The following KCNMB2 variants were observed in gnomAD, a reference collection of about 807,000 sequenced individuals.
The protein encoded by KCNMB2 is calcium-activated potassium channel subunit beta-2.
KCNMB2 carries 9 observed loss-of-function variants against 24.5 expected under a neutral mutation model. The ratio of observed to expected loss-of-function variants is 0.37; its 90% CI spans 0.22 to 0.64. The LOEUF (loss-of-function observed/expected upper bound fraction) is 0.64. KCNMB2 is among the 30% of genes least tolerant of loss of function. KCNMB2 has a pLI of 0.63. For synonymous variants in KCNMB2, 109 were observed against 104.4 expected, an observed-to-expected ratio of 1.04 and a Z score of -0.27; for missense variants, 226 against 284.3, an observed-to-expected ratio of 0.79 and a Z score of 1.47.
At position 178,588,802 on chromosome 3, in the gene KCNMB2, T is replaced by C. The variant is rs540421567; in HGVS notation, c.-68+52091T>C. ...CACCACTTACAAAACCTTGGGCAAT[T>C]ACCACAGTACTCTAAGCCTCAGGCT... On this transcript the variant is annotated intron_variant, in intron 1 of 4. Transcript: ENST00000452583. Among the ~76,000 whole-genome samples the C allele has an allele frequency of 4.6e-5, 7 of 152,198 alleles. No homozygotes were observed. In the South Asian group the frequency reaches 1.5e-3, roughly 32 times the overall value.
At chr3:178,570,515 CTTT>C (rs200106452) in intron 1 of KCNMB2, among the ~76,000 whole-genome samples, 2,904 of 113,924 alleles carry the variant, frequency 0.025, 15 homozygotes, top group Middle Eastern at 0.044. Flanking sequence ...GTAATGATAC[CTTT>C]TTTTTTTTTT....
chr3:178,651,470 A>G (rs1056488534), intron 1 of KCNMB2, among the ~76,000 whole-genome samples: 4 of 152,242 alleles, frequency 2.6e-5, no homozygotes, highest in African/African-American at 9.6e-5. Context: ...GGAAGAATCA[A>G]TATAGTTAAA....
chr3:178,643,217 C>G (rs889117842), intron 1 of KCNMB2, among the ~76,000 whole-genome samples: 2 of 152,010 alleles, frequency 1.3e-5, no homozygotes, highest in African/African-American at 4.8e-5. Flanking sequence ...AATTATGGAG[C>G]TGGAGAATGG....
chr3:178,614,277 A>ATGTATGTATGTATG (rs1254264851), intron 1 of KCNMB2, among the ~76,000 whole-genome samples: 1 of 101,334 alleles, frequency 9.9e-6, no homozygotes. Flanking sequence ...ATATATATAT[A>ATGTATGTATGTATG]TATATATATA....
At chr3:178,729,580 G>C (rs1723076515) in intron 1 of KCNMB2, among the ~76,000 whole-genome samples, 1 of 152,050 alleles carries the variant, frequency 6.6e-6, no homozygotes, top group Non-Finnish European at 1.5e-5. Context: ...CTGGTGCTGG[G>C]GCGAAGTCAG....
chr3:178,602,208 C>T (rs996665844), intron 1 of KCNMB2, among the ~76,000 whole-genome samples: 1 of 127,436 alleles, frequency 7.8e-6, no homozygotes, highest in South Asian at 2.5e-4. Context: ...AACTATCTCG[C>T]CAATCTAGGG....
chr3:178,694,912 C>T (rs1463612554), intron 1 of KCNMB2, among the ~76,000 whole-genome samples: 1 of 152,196 alleles, frequency 6.6e-6, no homozygotes, highest in African/African-American at 2.4e-5. Context: ...CTCACAGCTC[C>T]ACCAGGCAGT....
intron 1 of KCNMB2, among the ~76,000 whole-genome samples, chr3:178,610,024 G>A (rs916389321): frequency 2.0e-5 from 3 of 152,168 alleles, no homozygotes; most frequent in African/African-American, 4.8e-5. Context: ...ACCATTTATT[G>A]AAGAGACTAT....
chr3:178,651,418 G>A (rs1309956449), intron 1 of KCNMB2, among the ~76,000 whole-genome samples: 1 of 152,138 alleles, frequency 6.6e-6, no homozygotes, highest in African/African-American at 2.4e-5. Context: ...GGAAATAAGA[G>A]AGGACACAAA....
chr3:178,627,014 T>C (rs1384215886), intron 1 of KCNMB2, among the ~76,000 whole-genome samples: 1 of 151,630 alleles, frequency 6.6e-6, no homozygotes, highest in Non-Finnish European at 1.5e-5. Context: ...GGTTATAAAA[T>C]TAATTTATAA....
intron 1 of KCNMB2, among the ~76,000 whole-genome samples, chr3:178,736,781 A>C (rs1490054430): frequency 6.6e-6 from 1 of 152,242 alleles, no homozygotes; most frequent in African/African-American, 2.4e-5. Context: ...AAAAATGTTT[A>C]ATGTTTTAAA....
chr3:178,779,454 C>T (rs1160499567), intron 1 of KCNMB2, among the ~76,000 whole-genome samples: 1 of 152,148 alleles, frequency 6.6e-6, no homozygotes, highest in Non-Finnish European at 1.5e-5. Flanking sequence ...CAAGGGAGAA[C>T]ATGACTGTTT....
intron 1 of KCNMB2, among the ~76,000 whole-genome samples, chr3:178,617,383 C>T (rs1218644588): frequency 1.3e-5 from 2 of 150,294 alleles, no homozygotes; most frequent in Admixed American, 6.6e-5. Context: ...ATGGTGAAAC[C>T]GAATCTCTAC....
chr3:178,635,478 G>A (rs184806219), intron 1 of KCNMB2, among the ~76,000 whole-genome samples: 50 of 151,272 alleles, frequency 3.3e-4, no homozygotes, highest in African/African-American at 1.1e-3. Context: ...CTTTGACACC[G>A]GGCAGAGGGA....
chr3:178,669,387 G>A (rs943523628), intron 1 of KCNMB2, among the ~76,000 whole-genome samples: 1 of 151,994 alleles, frequency 6.6e-6, no homozygotes, highest in Non-Finnish European at 1.5e-5. Context: ...GAGGAGAGAA[G>A]GAGAGGACAG....
At chr3:178,764,901 C>T (rs376000919) in intron 1 of KCNMB2, among the ~76,000 whole-genome samples, 1 of 152,174 alleles carries the variant, frequency 6.6e-6, no homozygotes, top group African/African-American at 2.4e-5. Context: ...CTATTTAACT[C>T]ACTCAGATAA....
chr3:178,716,714 A>G (rs924309541), intron 1 of KCNMB2, among the ~76,000 whole-genome samples: 2 of 152,166 alleles, frequency 1.3e-5, no homozygotes, highest in African/African-American at 4.8e-5. Context: ...AAGTGCTGGG[A>G]TTACAGGCAT....
At chr3:178,802,858 T>C (rs1713825313) in intron 1 of KCNMB2, among the ~76,000 whole-genome samples, 1 of 152,168 alleles carries the variant, frequency 6.6e-6, no homozygotes, top group African/African-American at 2.4e-5. Context: ...TTTTCCTCTA[T>C]TGAGTGCCAC....
intron 1 of KCNMB2, among the ~76,000 whole-genome samples, chr3:178,723,833 G>A (rs925406671): frequency 3.3e-5 from 5 of 152,132 alleles, no homozygotes; most frequent in South Asian, 4.1e-4. Context: ...TTCTTTTCAT[G>A]GTTGCATAGT....
Sources: allele counts gnomAD v4.1 joint callset (sites outside exome capture counted in the v4.1 genomes callset), GRCh38; gene constraint gnomAD v4.1.1; transcripts MANE v1.5; gene names NCBI Gene and HGNC (gene_info 2026-07-23, HGNC 2026-07-21).